TENM3: variants seen among roughly 807,000 people sequenced by gnomAD.
TENM3 encodes the protein teneurin-3.
A neutral mutation model predicts 255.1 loss-of-function variants in TENM3; 63 were observed. The ratio of observed to expected loss-of-function variants is 0.25; its 90% CI spans 0.20 to 0.30. The LOEUF is 0.30. Among genes scored for constraint, TENM3 ranks in the 10% least tolerant of loss-of-function variants. The pLI, the probability that TENM3 is intolerant of heterozygous loss-of-function variation, is 1.00. For missense variants in TENM3, 2,929 were observed against 3,461.1 expected (o/e 0.85, Z 3.86); for synonymous variants, 1,306 against 1,322.3 (o/e 0.99, Z 0.27).
chr4:181,743,163 A>G, the TENM3 span, among the ~76,000 whole-genome samples: 1 of 152,100 alleles, frequency 6.6e-6, no homozygotes, highest in African/African-American at 2.4e-5. Context: ...TTATAGCAGC[A>G]TGATTTATAG....
chr4:182,258,129 C>T (rs1405660941), intron 1 of TENM3, among the ~76,000 whole-genome samples: 2 of 151,888 alleles, frequency 1.3e-5, no homozygotes, highest in Non-Finnish European at 2.9e-5. Context: ...TATATAGAAT[C>T]ATGTATATAG....
intron 3 of TENM3, among the ~76,000 whole-genome samples, chr4:182,388,312 ATGT>A (rs1352457757): frequency 6.6e-6 from 1 of 152,116 alleles, no homozygotes; most frequent in Non-Finnish European, 1.5e-5. Context: ...TGCTTCTATT[ATGT>A]TGTTTTTCTA....
the TENM3 span, among the ~76,000 whole-genome samples, chr4:181,577,321 G>A: frequency 5.3e-5 from 8 of 149,542 alleles, no homozygotes; most frequent in South Asian, 6.3e-4. Context: ...GATTACAGGC[G>A]TGAGCCACCG....
chr4:181,506,327 G>T, the TENM3 span, among the ~76,000 whole-genome samples: 6 of 151,602 alleles, frequency 4.0e-5, no homozygotes, highest in African/African-American at 7.3e-5. Flanking sequence ...TGAATATTTG[G>T]CCTTTTTACT....
intron 3 of TENM3, among the ~76,000 whole-genome samples, chr4:182,449,948 A>G (rs1773310325): frequency 6.6e-6 from 1 of 152,234 alleles, no homozygotes; most frequent in African/African-American, 2.4e-5. Flanking sequence ...GGAATGAGAA[A>G]GTCACATTTC....
chr4:182,743,415 C>G lies in TENM3; in HGVS notation c.3625C>G (p.Leu1209Val), dbSNP rs760876106. 14 of 1,612,730 alleles carry G rather than the reference C, an allele frequency of 8.7e-6. No homozygotes were observed. The African/African-American group carries it at 1.5e-4, about 17-fold the overall frequency. The change falls in exon 19 of 28, where the codon CTA (leucine) becomes GTA (valine). Residue 1209 changes from leucine (L) to valine (V), a missense_variant. Leu to Val is a conservative substitution (Grantham distance 32). Transcript: ENST00000511685. ...TGGAAATGTAACAAGTGTCTTAGAACTAAGGTACGTCTTTCCTAAATTTGG... is the reference window on the plus strand; with the variant it reads ...TGGAAATGTAACAAGTGTCTTAGAAGTAAGGTACGTCTTTCCTAAATTTGG... The part of the protein sequence containing the change: ...PSGNVTSVLE[L>V]SSNPAHRYYL...
At chr4:182,266,949 G>T (rs1250858251) in intron 1 of TENM3, among the ~76,000 whole-genome samples, 1 of 152,104 alleles carries the variant, frequency 6.6e-6, no homozygotes. Context: ...ATCCTCTTTA[G>T]AAGGTGGTTT....
chr4:181,457,625 T>A, the TENM3 span, among the ~76,000 whole-genome samples: 51 of 152,012 alleles, frequency 3.4e-4, 1 homozygote, highest in East Asian at 6.9e-3. Flanking sequence ...ACTATTTTCA[T>A]TGATTTTTTT....
chr4:182,341,815 G>C (rs1764504655), intron 2 of TENM3, among the ~76,000 whole-genome samples: 1 of 152,130 alleles, frequency 6.6e-6, no homozygotes. Context: ...AAAAATGATA[G>C]AATAAAATAA....
chr4:181,517,813 C>T, the TENM3 span, among the ~76,000 whole-genome samples: 1 of 152,200 alleles, frequency 6.6e-6, no homozygotes, highest in African/African-American at 2.4e-5. Context: ...GAAACATGCC[C>T]TTTCATTTTG....
At chr4:182,237,375 C>CT (rs57257112) in intron 1 of TENM3, among the ~76,000 whole-genome samples, 12 of 148,208 alleles carry the variant, frequency 8.1e-5, no homozygotes, top group South Asian at 4.2e-4. Flanking sequence ...ATTCTGTTTT[C>CT]TTTTTTTTGA....
the TENM3 span, among the ~76,000 whole-genome samples, chr4:181,711,557 A>T: frequency 1.3e-5 from 2 of 152,234 alleles, no homozygotes; most frequent in African/African-American, 4.8e-5. Flanking sequence ...GGTTGCAGTT[A>T]TAAAATAAAA....
the TENM3 span, among the ~76,000 whole-genome samples, chr4:181,811,973 A>G: frequency 0.89 from 135,063 of 152,266 alleles, 60,189 homozygotes; most frequent in East Asian, 0.94. Context: ...TTTAATGTTT[A>G]GGGCAAATAT....
chr4:182,000,615 G>C, the TENM3 span, among the ~76,000 whole-genome samples: 1 of 152,056 alleles, frequency 6.6e-6, no homozygotes, highest in East Asian at 1.9e-4. Context: ...ACCAATCCAT[G>C]GTTGGTCAAG....
chr4:182,440,777 G>A (rs540350694), intron 3 of TENM3, among the ~76,000 whole-genome samples: 1 of 151,954 alleles, frequency 6.6e-6, no homozygotes, highest in Non-Finnish European at 1.5e-5. Context: ...CACTTCTGCG[G>A]AAGACCGTGC....
At chr4:181,470,214 T>C in the TENM3 span, among the ~76,000 whole-genome samples, 1 of 152,014 alleles carries the variant, frequency 6.6e-6, no homozygotes, top group African/African-American at 2.4e-5. Context: ...TACAATAAAT[T>C]AGCTTTCATA....
At chr4:181,636,146 G>A in the TENM3 span, among the ~76,000 whole-genome samples, 1 of 151,948 alleles carries the variant, frequency 6.6e-6, no homozygotes, top group South Asian at 2.1e-4. Flanking sequence ...CCCAGATTCA[G>A]GCGATTCTCC....
At chr4:182,334,526 A>G (rs1763980638) in intron 2 of TENM3, among the ~76,000 whole-genome samples, 3 of 152,170 alleles carry the variant, frequency 2.0e-5, no homozygotes, top group Admixed American at 2.0e-4. Flanking sequence ...AATAGTGAGG[A>G]CAAAATGGAG....
the TENM3 span, among the ~76,000 whole-genome samples, chr4:181,700,108 C>T: frequency 4.6e-5 from 7 of 152,018 alleles, no homozygotes; most frequent in African/African-American, 9.7e-5. Context: ...AGACACTGAC[C>T]GCGTGAAACA....
Sources: allele counts gnomAD v4.1 joint callset (sites outside exome capture counted in the v4.1 genomes callset), GRCh38; gene constraint gnomAD v4.1.1; transcripts MANE v1.5; gene names NCBI Gene and HGNC (gene_info 2026-07-23, HGNC 2026-07-21).